MSRA: variants seen among roughly 807,000 people sequenced by gnomAD.
MSRA encodes the protein mitochondrial peptide methionine sulfoxide reductase.
MSRA carries 54 observed loss-of-function variants against 31.3 expected under a neutral mutation model. The observed-to-expected ratio is 1.73, with a 90% CI of 1.39 to 2.17. The LOEUF (loss-of-function observed/expected upper bound fraction) is 2.17, where lower values mean the gene tolerates loss of function less well. Ranked by LOEUF, MSRA falls within the 30% of genes most tolerant of loss-of-function variation. MSRA has a pLI of 0.00. For synonymous variants in MSRA, 169 were observed against 116.5 expected (o/e 1.45, Z -2.90); for missense variants, 507 against 300.9 (o/e 1.69, Z -5.07).
intron 1 of MSRA, among the ~76,000 whole-genome samples, chr8:10,182,225 T>C (rs1806608784): frequency 6.6e-6 from 1 of 152,200 alleles, no homozygotes; most frequent in Non-Finnish European, 1.5e-5. Flanking sequence ...ATTCCTTTAT[T>C]TGACTTACAG....
intron 1 of MSRA, among the ~76,000 whole-genome samples, chr8:10,162,562 G>T: frequency 6.6e-6 from 1 of 152,162 alleles, no homozygotes; most frequent in East Asian, 1.9e-4. Context: ...GCGGCCGTCA[G>T]TGGGGGCTAC....
At chr8:10,269,032 C>T (rs1422565431) in intron 3 of MSRA, among the ~76,000 whole-genome samples, 1 of 152,222 alleles carries the variant, frequency 6.6e-6, no homozygotes, top group Non-Finnish European at 1.5e-5. Flanking sequence ...GCTGTGTTTC[C>T]TTGCACAGTC....
At chr8:10,404,722 C>T (rs1288170966) in intron 5 of MSRA, among the ~76,000 whole-genome samples, 3 of 152,238 alleles carry the variant, frequency 2.0e-5, no homozygotes, top group African/African-American at 4.8e-5. Flanking sequence ...GTGGCACCTG[C>T]CTGGGGTTTC....
rs541690598 is a variant in MSRA at position 10,156,656 on chromosome 8, T to C, written c.143-51177T>C. Reference sequence around the variant, plus strand: ...TGCTAGGATGGCATGTGGGAAATAGTTTCTGCAAGATGAGCATATTCTTCC... The same window carrying C: ...TGCTAGGATGGCATGTGGGAAATAGCTTCTGCAAGATGAGCATATTCTTCC... On this transcript the variant is annotated intron_variant, in intron 1 of 5. Transcript: ENST00000317173. Among the ~76,000 whole-genome samples, 3 of 152,228 alleles carry C rather than the reference T, an allele frequency of 2.0e-5. No individual in the cohort carries two copies. In the East Asian group the frequency reaches 5.8e-4, roughly 29 times the overall value.
At chr8:10,075,766 G>A (rs1272935124) in intron 1 of MSRA, among the ~76,000 whole-genome samples, 3 of 152,178 alleles carry the variant, frequency 2.0e-5, no homozygotes, top group African/African-American at 4.8e-5. Flanking sequence ...AGATCACAGA[G>A]CAATATTATT....
At chr8:10,150,916 G>T (rs975637922) in intron 1 of MSRA, among the ~76,000 whole-genome samples, 4 of 152,124 alleles carry the variant, frequency 2.6e-5, no homozygotes, top group African/African-American at 7.2e-5. Flanking sequence ...TATCAGTAAG[G>T]TGTGGCGTGG....
intron 2 of MSRA, among the ~76,000 whole-genome samples, chr8:10,209,585 T>C (rs573442009): frequency 6.6e-6 from 1 of 152,284 alleles, no homozygotes; most frequent in East Asian, 1.9e-4. Flanking sequence ...AGTGGAAAGA[T>C]TTGGTTTATA....
chr8:10,061,510 G>T (rs1233160901), intron 1 of MSRA, among the ~76,000 whole-genome samples: 1 of 152,026 alleles, frequency 6.6e-6, no homozygotes, highest in East Asian at 1.9e-4. Context: ...CTAATTAGAT[G>T]TCTTATTGCA....
chr8:10,178,077 T>A (rs565096302), intron 1 of MSRA, among the ~76,000 whole-genome samples: 2 of 152,200 alleles, frequency 1.3e-5, no homozygotes, highest in South Asian at 2.1e-4. Flanking sequence ...AATGAGTACA[T>A]CTATTCCTGA....
intron 2 of MSRA, among the ~76,000 whole-genome samples, chr8:10,237,064 T>C (rs1056360473): frequency 6.6e-6 from 1 of 152,238 alleles, no homozygotes; most frequent in East Asian, 1.9e-4. Context: ...GAATAAAATA[T>C]GAGTTATTCA....
intron 5 of MSRA, among the ~76,000 whole-genome samples, chr8:10,342,858 C>A (rs1396993490): frequency 6.6e-6 from 1 of 152,184 alleles, no homozygotes; most frequent in Non-Finnish European, 1.5e-5. Context: ...GGTTCCAATC[C>A]CAGCTCTGCC....
chr8:10,095,514 C>T, intron 1 of MSRA: 1 of 985,398 alleles, frequency 1.0e-6, no homozygotes, highest in Non-Finnish European at 1.2e-6. Context: ...TGGACCTCCG[C>T]CAAGACTGCT....
intron 5 of MSRA, among the ~76,000 whole-genome samples, chr8:10,331,271 C>T (rs969085389): frequency 2.0e-5 from 3 of 152,190 alleles, no homozygotes; most frequent in African/African-American, 4.8e-5. Context: ...CTCCATGGAG[C>T]GGGGGCAGAG....
At chr8:10,194,210 C>G (rs1258213482) in intron 1 of MSRA, among the ~76,000 whole-genome samples, 1 of 152,156 alleles carries the variant, frequency 6.6e-6, no homozygotes. Context: ...TTTGAATAAT[C>G]TTTTATTTCT....
At chr8:10,410,681 C>T (rs981246001) in intron 5 of MSRA, among the ~76,000 whole-genome samples, 6 of 152,164 alleles carry the variant, frequency 3.9e-5, no homozygotes, top group Admixed American at 6.5e-5. Context: ...AACCTCTATG[C>T]AAACATGATC....
chr8:10,370,960 C>A (rs570334500), intron 5 of MSRA, among the ~76,000 whole-genome samples: 2 of 152,278 alleles, frequency 1.3e-5, no homozygotes, highest in East Asian at 3.9e-4. Flanking sequence ...CATGAGAAGA[C>A]GTGTCTGAAG....
intron 1 of MSRA, among the ~76,000 whole-genome samples, chr8:10,192,675 C>T (rs1807614410): frequency 6.6e-6 from 1 of 152,196 alleles, no homozygotes. Context: ...CCTATCCTAG[C>T]TTGCAACCAG....
At chr8:10,246,167 T>C (rs1277263665) in intron 3 of MSRA, among the ~76,000 whole-genome samples, 1 of 152,224 alleles carries the variant, frequency 6.6e-6, no homozygotes, top group Non-Finnish European at 1.5e-5. Context: ...CTATGAGTGT[T>C]TTCATGCTAC....
intron 1 of MSRA, among the ~76,000 whole-genome samples, chr8:10,111,068 G>A (rs549000542): frequency 3.9e-5 from 6 of 152,312 alleles, no homozygotes; most frequent in Admixed American, 2.6e-4. Flanking sequence ...CTTCCTGTGT[G>A]CTTGATTTGA....
Sources: allele counts gnomAD v4.1 joint callset (sites outside exome capture counted in the v4.1 genomes callset), GRCh38; gene constraint gnomAD v4.1.1; transcripts MANE v1.5; gene names NCBI Gene and HGNC (gene_info 2026-07-23, HGNC 2026-07-21).